Variants in SLC4A11 observed in about 807,000 individuals in gnomAD.
SLC4A11 encodes solute carrier family 4 member 11.
In SLC4A11, 74 loss-of-function variants were observed where a neutral mutation model predicts 95.0. The observed-to-expected ratio is 0.78, with a 90% CI of 0.65 to 0.95. The LOEUF is 0.95. SLC4A11 is among the 40% of genes least tolerant of loss of function. The pLI, the probability that SLC4A11 is intolerant of heterozygous loss-of-function variation, is 0.00. For missense variants in SLC4A11, 1,081 were observed against 1,192.4 expected (o/e 0.91, Z 1.38); for synonymous variants, 548 against 519.0 (o/e 1.06, Z -0.76).
chr20:3,238,452 C>T (rs2068059496), intron 1 of SLC4A11: 37 of 1,027,324 alleles, frequency 3.6e-5, no homozygotes, highest in Non-Finnish European at 4.2e-5. Context: ...TGGGGCGCGT[C>T]CCAGGCCGTG....
At chr20:3,233,690 C>A (rs545561119) in intron 6 of SLC4A11, 53 bp from the exon 7 acceptor site, 6 of 1,604,794 alleles carry the variant, frequency 3.7e-6, no homozygotes, top group Middle Eastern at 1.7e-4. Flanking sequence ...GGAGCTGGGG[C>A]TCCCCGACCC....
intron 7 of SLC4A11, 136 bp downstream of exon 7, chr20:3,233,378 C>T (rs2067845340): frequency 1.1e-5 from 14 of 1,311,620 alleles, no homozygotes; most frequent in Middle Eastern, 1.9e-4. Context: ...GTTTCTGACA[C>T]ACCCACAGGG....
At chr20:3,237,957 G>A in intron 1 of SLC4A11, 1 of 1,550,494 alleles carries the variant, frequency 6.4e-7, no homozygotes, top group Non-Finnish European at 8.7e-7. Flanking sequence ...GAAGGGACCG[G>A]GCCCGAGCGG....
chr20:3,229,911 A>ACTC, intron 13 of SLC4A11, 135 bp from the exon 14 acceptor site: 1 of 1,236,972 alleles, frequency 8.1e-7, no homozygotes, highest in South Asian at 1.2e-5. Context: ...ATGCACCCAC[A>ACTC]CTCCTGCCCA....
At chr20:3,238,077 TCCCCCGA>T (rs1356187011) in intron 1 of SLC4A11, 3 of 1,467,026 alleles carry the variant, frequency 2.0e-6, no homozygotes, top group Non-Finnish European at 2.7e-6. Flanking sequence ...CAGGCGCAGT[TCCCCCGA>T]CCCCCGTCAC....
rs1433084767 is a variant in SLC4A11, at chr20:3,228,852, T to G, written c.2178A>C (p.Gly726=). ...LALVEERVEN[G]HIYDTIVNVK... is the part of the protein sequence containing the mutation. Reference sequence around the variant, plus strand: ...CTCACACTCACGTGTCATAGATGTGTCCGTTCTCCACACGCTCCTCCACTA... The same window carrying G: ...CTCACACTCACGTGTCATAGATGTGGCCGTTCTCCACACGCTCCTCCACTA... Residue 726 remains glycine, a synonymous_variant, in exon 17 of 20, where the codon GGA becomes GGC. Coordinates refer to ENST00000642402, the MANE Select transcript of SLC4A11 (RefSeq NM_001174089.2). 1.9e-6 allele frequency: 3 copies of G among 1,613,664 alleles called. No individual in the cohort carries two copies. The African/African-American group carries it at 4.0e-5, about 22-fold the overall frequency.
rs754142344 is a variant in SLC4A11, at chr20:3,229,327, C to T, written c.1849+19G>A. On this transcript the variant is annotated intron_variant, in intron 15 of 19. Coordinates refer to ENST00000642402, the MANE Select transcript of SLC4A11 (RefSeq NM_001174089.2). The stretch of plus-strand genomic sequence containing the variant: ...CTGGGGAGCTACCCCACGTCACCCA[C>T]CGCCCGGCCCCAACTCACTCTCGAT... 3.1e-6 allele frequency: 5 copies of T among 1,613,146 alleles called. No individual in the cohort carries two copies. The Admixed American group carries it at 6.7e-5, about 22-fold the overall frequency.
chr20:3,232,639 G>A (rs139010902), intron 7 of SLC4A11, among the ~76,000 whole-genome samples: 1,763 of 152,298 alleles, frequency 0.012, 26 homozygotes, highest in African/African-American at 0.04. Context: ...CTTGAACCTG[G>A]GAGGCAGAGG....
rs778928116 is a variant in SLC4A11 at position 3,230,796 on chromosome 20, C to T, written c.1218G>A (p.Ala406=). Residue 406 remains alanine (A), a synonymous_variant, in exon 11 of 20, where the codon GCG becomes GCA. Transcript: ENST00000642402. The stretch of plus-strand genomic sequence containing the variant: ...TCACCAATGGCTGCCCAGAGAAGAG[C>T]GCGTAGAGCAGGCCCCCGATGCTCT... ...AGQSIGGLLY[A]LFSGQPLVIL... 24 of 1,613,186 alleles carry T rather than the reference C, an allele frequency of 1.5e-5. 1 individual carries two copies. The highest frequency in any genetic ancestry group is 1.3e-4 in the African/African-American group (10 of 74,930).
intron 1 of SLC4A11, 183 bp downstream of exon 1, chr20:3,238,912 C>T (rs1380360274): frequency 3.2e-6 from 4 of 1,256,700 alleles, no homozygotes; most frequent in South Asian, 5.5e-5. Flanking sequence ...GCCGCGAAGC[C>T]GCGCCCGGGC....
intron 2 of SLC4A11, among the ~76,000 whole-genome samples, chr20:3,235,481 CAG>C (rs1416434780): frequency 1.3e-5 from 2 of 152,180 alleles, no homozygotes; most frequent in East Asian, 1.9e-4. Flanking sequence ...ACCAGGGAAA[CAG>C]AGCCAGGGGC....
In SLC4A11 at chr20:3,228,572, C is replaced by T. The variant is rs201769127; in HGVS notation, c.2328G>A (p.Ala776=). The change falls in exon 18 of 20, where the codon GCG becomes GCA. Residue 776 remains alanine, a synonymous_variant. Transcript: ENST00000642402. ...GCTGGTTGCCATCGAGGGAGGTGAG[C>T]GCGATGTAGAGGAAGAGGCCATAGA... ...PVLYGLFLYI[A]LTSLDGNQLV... The T allele has an allele frequency of 5.6e-6, 9 of 1,613,098 alleles. No individual in the cohort carries two copies. Among genetic ancestry groups the T allele is most frequent in the East Asian group, 2.2e-5 (1 of 44,886 alleles).
intron 2 of SLC4A11, among the ~76,000 whole-genome samples, chr20:3,236,587 CAAAACAAAACAAAACAAAACA>C (rs2067989230): frequency 4.9e-5 from 1 of 20,600 alleles, no homozygotes; most frequent in South Asian, 8.5e-4. Context: ...AGACTCAAAA[CAAAACAAAACAAAACAAAACA>C]AAACAAAAGA....
Position 3,234,061 on chromosome 20 carries a change from C to G in SLC4A11, c.523+22G>C. The G allele has an allele frequency of 1.2e-6, 2 of 1,613,726 alleles. No homozygotes were observed. The highest frequency in any genetic ancestry group is 1.7e-6 in the Non-Finnish European group (2 of 1,179,954). ...AACAGCCCCTCCCAACGCCCCCGCC[C>G]GGGCCGGGAGACCGGCCTCACCTTT... On this transcript the variant is annotated intron_variant, in intron 5 of 19. Coordinates refer to ENST00000642402, the MANE Select transcript of SLC4A11 (RefSeq NM_001174089.2). The surrounding 1 kb of genome is among the most constrained non-coding windows in gnomAD (Gnocchi z 5.8).
rs1388314323 is a variant in SLC4A11, at chr20:3,238,299, GAGGA to G, written c.44-715_44-712del. ...CCCGGCTGTTTGTGCCTCGCTGTCG[GAGGA>G]AGGAAGCGACAGGAGGGGCCGCGTG... On this transcript the variant is annotated intron_variant, in intron 1 of 19. Coordinates refer to ENST00000642402, the MANE Select transcript of SLC4A11 (RefSeq NM_001174089.2). 7 of 1,238,010 alleles carry G rather than the reference GAGGA, an allele frequency of 5.7e-6. No individual in the cohort carries two copies. The African/African-American group carries it at 7.8e-5, about 14-fold the overall frequency. The allele number at this position is 1,238,010 out of a possible 1,614,324, so 76.7% of individuals were successfully genotyped here. A position where few individuals can be genotyped will look rare whatever the true frequency, so the allele number is the denominator to read the frequency against.
rs2067765863 is a variant in SLC4A11 at position 3,231,289 on chromosome 20, C to T, written c.948+41G>A. On this transcript the variant is annotated intron_variant, in intron 8 of 19. Coordinates refer to ENST00000642402, the MANE Select transcript of SLC4A11 (RefSeq NM_001174089.2). The surrounding 1 kb of genome is among the most constrained non-coding windows in gnomAD (Gnocchi z 5.2). ...CTGTTAGCCCTGTCCGGCCCATGCC[C>T]CCGCCGACCCTGCCGGCCCCCGCCG... 6.2e-7 allele frequency: 1 copy of T among 1,613,408 alleles called. No homozygotes were observed. The highest frequency in any genetic ancestry group is 8.5e-7 in the Non-Finnish European group (1 of 1,179,898).
At chr20:3,233,023 C>T (rs2067831867) in intron 7 of SLC4A11, among the ~76,000 whole-genome samples, 1 of 152,202 alleles carries the variant, frequency 6.6e-6, no homozygotes, top group Middle Eastern at 3.2e-3. Context: ...CTAAGGGAAG[C>T]TGAAGCTGAA....
At position 3,231,056 on chromosome 20, in the gene SLC4A11, T is replaced by C; in HGVS notation, c.1045A>G (p.Ile349Val). Residue 349 changes from isoleucine (I) to valine (V), a missense_variant and splice_region_variant, in exon 10 of 20, where the codon ATT becomes GTT. Transcript: ENST00000642402. The surrounding 1 kb of genome is among the most constrained non-coding windows in gnomAD (Gnocchi z 5.2). ...CCCACAGCCTTGTTTTTCCCAATAA[T>C]GCCTAGGAATGGGGGATGGGAGAGA... ...PLYPLDFTDG[I>V]IGKNKAVGKY... 1 of 1,611,630 alleles carries C rather than the reference T, an allele frequency of 6.2e-7. No homozygotes were observed. The highest frequency in any genetic ancestry group is 2.2e-5 in the East Asian group (1 of 44,872).
Position 3,231,600 on chromosome 20 carries a change from G to C in SLC4A11, c.730-52C>G, listed in dbSNP as rs746134859. 3 of 1,564,476 alleles carry C rather than the reference G, an allele frequency of 1.9e-6. No individual in the cohort carries two copies. The South Asian group carries it at 3.3e-5, about 17-fold the overall frequency. Reference sequence around the variant, plus strand: ...CTAGAAACAGAGGAGGCCCTGCCCGGGCCGAGCAGGTGAAGGTGCTCTCCC... The same window carrying C: ...CTAGAAACAGAGGAGGCCCTGCCCGCGCCGAGCAGGTGAAGGTGCTCTCCC... On this transcript the variant is annotated intron_variant, in intron 7 of 19. Transcript: ENST00000642402. This position sits in a 1 kb window ranked among gnomAD's most constrained non-coding sequence, Gnocchi z 5.2.
Sources: gnomAD v4.1 joint callset for allele counts (sites outside exome capture counted in the v4.1 genomes callset) on GRCh38, gnomAD v4.1.1 for gene constraint, Gnocchi (gnomAD v3.1) non-coding constraint, MANE v1.5 for transcripts, NCBI Gene and HGNC (gene_info 2026-07-23, HGNC 2026-07-21) for gene names.